Variants in KAT2B observed in about 807,000 individuals in gnomAD.
The protein encoded by KAT2B is lysine acetyltransferase 2B.
Under a neutral mutation model 105.9 loss-of-function variants are expected in KAT2B, and 36 were observed. The observed-to-expected ratio is 0.34, with a 90% CI of 0.26 to 0.45. The LOEUF is 0.45. Among genes scored for constraint, KAT2B ranks in the 20% least tolerant of loss-of-function variants. KAT2B has a pLI of 1.00. For missense variants in KAT2B, 820 were observed against 1,021.6 expected (o/e 0.80, Z 2.69); for synonymous variants, 397 against 377.9 (o/e 1.05, Z -0.59).
chr3:20,144,041 A>G (rs751483553), intron 13 of KAT2B, among the ~76,000 whole-genome samples: 3 of 151,826 alleles, frequency 2.0e-5, no homozygotes, highest in Non-Finnish European at 4.4e-5. Flanking sequence ...ATTAAAAAAG[A>G]TCTCTTCTCC....
At chr3:20,140,161 T>A in intron 12 of KAT2B, 60 bp from the exon 13 acceptor site, 1 of 1,061,964 alleles carries the variant, frequency 9.4e-7, no homozygotes, top group Non-Finnish European at 1.5e-6. Context: ...GGAACATAGT[T>A]AGCACTCAGT....
intron 1 of KAT2B, among the ~76,000 whole-genome samples, chr3:20,049,685 T>C (rs79410556): frequency 0.029 from 4,333 of 151,448 alleles, 206 homozygotes; most frequent in African/African-American, 0.1. Context: ...TTCTAGTCCA[T>C]TGAACCTGTG....
intron 2 of KAT2B, among the ~76,000 whole-genome samples, chr3:20,091,163 T>G (rs1439249326): frequency 6.6e-6 from 1 of 152,204 alleles, no homozygotes; most frequent in Non-Finnish European, 1.5e-5. Context: ...TTTTATTTAA[T>G]TACTGATTCA....
At position 20,095,307 on chromosome 3, in the gene KAT2B, AAC is replaced by A. The variant is rs1698789864; in HGVS notation, c.477_478del (p.Asn159LysfsTer33). 6.2e-7 allele frequency: 1 copy of A among 1,610,670 alleles called. No individual in the cohort carries two copies. On this transcript the variant is annotated frameshift_variant, in exon 3 of 18. Coordinates refer to ENST00000263754, the MANE Select transcript of KAT2B (RefSeq NM_003884.5). LOFTEE classifies it high-confidence loss of function. Reference sequence around the variant, plus strand: ...GGAGAATGTGTCAGAGGAAGAAATGAACAGACTCCTGGGAATAGTATTGGATG... The same window carrying A: ...GGAGAATGTGTCAGAGGAAGAAATGAAGACTCCTGGGAATAGTATTGGATG... ...HLENVSEEEM[N>X]RLLGIVLDVE...
chr3:20,045,307 T>C (rs1283665006), intron 1 of KAT2B, among the ~76,000 whole-genome samples: 2 of 150,184 alleles, frequency 1.3e-5, no homozygotes, highest in African/African-American at 2.4e-5. Context: ...TGTGAGCCAC[T>C]GCACCTGGCC....
At chr3:20,090,008 CAAG>C (rs1304893880) in intron 2 of KAT2B, among the ~76,000 whole-genome samples, 1 of 141,510 alleles carries the variant, frequency 7.1e-6, no homozygotes, top group East Asian at 2.0e-4. Context: ...AAAAACAAAA[CAAG>C]AAAAAAAAAA....
Position 20,154,150 on chromosome 3 carries a change from AGTTT to A in KAT2B, c.*1629_*1632del, listed in dbSNP as rs1470770174. On this transcript the variant is annotated 3_prime_UTR_variant, in exon 18 of 18. Transcript: ENST00000263754. ...ATCTGTCCAGCTGGTATCCTGTGAA[AGTTT>A]GTTATTTTCTGAGTAGACATTCTTA... is the stretch of plus-strand genomic sequence containing the variant. 6.5e-6 allele frequency: 1 copy of A among 152,676 alleles called. No homozygotes were observed. The highest frequency in any genetic ancestry group is 3.4e-3 in the Middle Eastern group (1 of 294). The allele number at this position is 152,676 out of a possible 1,614,324, so 9.5% of individuals were successfully genotyped here.
intron 2 of KAT2B, among the ~76,000 whole-genome samples, chr3:20,079,312 C>T (rs1455331921): frequency 1.3e-5 from 2 of 149,724 alleles, no homozygotes; most frequent in East Asian, 2.0e-4. Flanking sequence ...TCAAGCTATT[C>T]TCCTGCTTCA....
In KAT2B at chr3:20,124,353, G is replaced by A. The variant is rs563173949; in HGVS notation, c.1413+1549G>A. On this transcript the variant is annotated intron_variant, in intron 9 of 17. Coordinates refer to ENST00000263754, the MANE Select transcript of KAT2B (RefSeq NM_003884.5). ...TCAGCATCTGCTCAGCTTCTGGGGA[G>A]GCCTCAGGGAACTTATACTCATGGT... Among the ~76,000 whole-genome samples, 15 of 152,308 alleles carry A rather than the reference G, an allele frequency of 9.8e-5. No homozygotes were observed. The South Asian group carries it at 1.5e-3, about 15-fold the overall frequency.
intron 9 of KAT2B, among the ~76,000 whole-genome samples, chr3:20,125,653 C>A (rs1458891117): frequency 6.6e-6 from 1 of 152,216 alleles, no homozygotes; most frequent in Non-Finnish European, 1.5e-5. Flanking sequence ...CTAATCTACA[C>A]TGAATATCAT....
chr3:20,120,525 G>A (rs1699289931), intron 8 of KAT2B, among the ~76,000 whole-genome samples: 1 of 152,166 alleles, frequency 6.6e-6, no homozygotes, highest in South Asian at 2.1e-4. Flanking sequence ...ACCATACCCT[G>A]CTGACTTCTG....
intron 1 of KAT2B, among the ~76,000 whole-genome samples, chr3:20,060,437 A>G (rs1220836947): frequency 6.6e-6 from 1 of 152,128 alleles, no homozygotes. Context: ...CCCTGTCTCT[A>G]CTAAAAATAC....
chr3:20,086,825 A>AGGCTGGAGTGCAGTGGCGCAGGCTC (rs11268707), intron 2 of KAT2B, among the ~76,000 whole-genome samples: 2 of 148,030 alleles, frequency 1.4e-5, no homozygotes, highest in African/African-American at 5.1e-5. Flanking sequence ...GGAGTCTCGC[A>AGGCTGGAGTGCAGTGGCGCAGGCTC]GGCTGGAGTG....
chr3:20,082,063 C>A (rs1218916443), intron 2 of KAT2B, among the ~76,000 whole-genome samples: 1 of 151,924 alleles, frequency 6.6e-6, no homozygotes, highest in Non-Finnish European at 1.5e-5. Flanking sequence ...GAAATGGAGA[C>A]CCACTCTGTT....
At chr3:20,094,462 A>T (rs1216050375) in intron 2 of KAT2B, among the ~76,000 whole-genome samples, 3 of 152,122 alleles carry the variant, frequency 2.0e-5, no homozygotes, top group Admixed American at 2.0e-4. Flanking sequence ...TCAGAGCCTT[A>T]GTTTCCTCAA....
chr3:20,067,866 G>A (rs1698250767), intron 1 of KAT2B, among the ~76,000 whole-genome samples: 1 of 151,776 alleles, frequency 6.6e-6, no homozygotes. Flanking sequence ...ATAGAGATGG[G>A]GTCTTGCCAT....
In KAT2B at chr3:20,148,276, C is replaced by T. The variant is rs375961118; in HGVS notation, c.2190C>T (p.Ser730=). ...KEPRDPDQLY[S]TLKSILQQVK... ...CCAGAGACCCTGACCAGCTTTACAG[C>T]ACGCTCAAGAGCATCCTCCAGCAGG... is the stretch of plus-strand genomic sequence containing the variant. Residue 730 remains serine, a synonymous_variant, in exon 16 of 18, where the codon AGC becomes AGT. Coordinates refer to ENST00000263754, the MANE Select transcript of KAT2B (RefSeq NM_003884.5). The T allele has an allele frequency of 1.3e-5, 21 of 1,613,952 alleles. No homozygotes were observed. Among genetic ancestry groups the T allele is most frequent in the East Asian group, 2.2e-5 (1 of 44,894 alleles).
chr3:20,050,352 A>C (rs1486728790), intron 1 of KAT2B, among the ~76,000 whole-genome samples: 2 of 152,060 alleles, frequency 1.3e-5, no homozygotes, highest in Non-Finnish European at 2.9e-5. Flanking sequence ...AGCGCAATTA[A>C]TTTTTACATG....
In KAT2B at chr3:20,137,089, CTT is replaced by C. The variant is rs763631131; in HGVS notation, c.1860+40_1860+41del. On this transcript the variant is annotated intron_variant, in intron 12 of 17. Transcript: ENST00000263754. The stretch of plus-strand genomic sequence containing the variant: ...ACCACGCAACACTGTTTTGTCACTC[CTT>C]TTCTTAATATGTTCTCAGGTAGCGT... The C allele has an allele frequency of 8.8e-6, 9 of 1,024,052 alleles. No individual in the cohort carries two copies. The South Asian group carries it at 1.0e-4, about 12-fold the overall frequency. 63.4% of individuals were successfully genotyped at this position (1,024,052 alleles called of 1,614,324 possible). A position where few individuals can be genotyped will look rare whatever the true frequency, so the allele number is the denominator to read the frequency against.
Sources: allele counts gnomAD v4.1 joint callset (sites outside exome capture counted in the v4.1 genomes callset), GRCh38; gene constraint gnomAD v4.1.1; transcripts MANE v1.5; gene names NCBI Gene and HGNC (gene_info 2026-07-23, HGNC 2026-07-21).